IMPG1: variants seen among roughly 807,000 people sequenced by gnomAD.
The protein encoded by IMPG1 is interphotoreceptor matrix proteoglycan 1.
A neutral mutation model predicts 92.0 loss-of-function variants in IMPG1; 85 were observed. The observed-to-expected ratio is 0.92, with a 90% CI of 0.78 to 1.11. The LOEUF is 1.11. Ranked by LOEUF, IMPG1 falls within the 50% of genes least tolerant of loss-of-function variation. The pLI is 0.00. For synonymous variants in IMPG1, 367 were observed against 334.1 expected (o/e 1.10, Z -1.08); for missense variants, 1,022 against 956.0 (o/e 1.07, Z -0.91).
At chr6:75,958,094 C>A (rs1372505671) in intron 12 of IMPG1, among the ~76,000 whole-genome samples, 1 of 152,040 alleles carries the variant, frequency 6.6e-6, no homozygotes, top group Non-Finnish European at 1.5e-5. Flanking sequence ...CTGGTGGTGA[C>A]AAAATCTCTC....
At chr6:76,038,161 T>A (rs1311213972) in intron 2 of IMPG1, among the ~76,000 whole-genome samples, 1 of 152,144 alleles carries the variant, frequency 6.6e-6, no homozygotes, top group Admixed American at 6.5e-5. Context: ...GGGACTGAGG[T>A]TGAGCAGTCA....
At chr6:75,924,598 TATAATTA>T (rs1281711156) in intron 15 of IMPG1, among the ~76,000 whole-genome samples, 2 of 46,648 alleles carry the variant, frequency 4.3e-5, no homozygotes, top group African/African-American at 8.4e-5. Flanking sequence ...ATATATTATA[TATAATTA>T]ATTATATATA....
intron 15 of IMPG1, among the ~76,000 whole-genome samples, chr6:75,927,120 T>C (rs973494514): frequency 6.6e-6 from 1 of 152,194 alleles, no homozygotes; most frequent in African/African-American, 2.4e-5. Context: ...GGATTCTTAG[T>C]TTTTCCTTAC....
chr6:76,000,145 T>C (rs1242503337), intron 12 of IMPG1, among the ~76,000 whole-genome samples: 1 of 152,230 alleles, frequency 6.6e-6, no homozygotes, highest in African/African-American at 2.4e-5. Context: ...ATTTTCCTCT[T>C]TACACAGCCT....
chr6:76,034,171 G>T, intron 4 of IMPG1, 144 bp downstream of exon 4: 1 of 728,962 alleles, frequency 1.4e-6, no homozygotes, highest in African/African-American at 1.8e-5. Flanking sequence ...TACATTATAT[G>T]CAGGAATTGT....
intron 2 of IMPG1, among the ~76,000 whole-genome samples, chr6:76,036,329 A>G (rs568626898): frequency 3.9e-5 from 6 of 152,250 alleles, no homozygotes; most frequent in Non-Finnish European, 7.3e-5. Context: ...CATAAGCTAC[A>G]GATCCTTTTT....
In IMPG1 at chr6:76,025,240, T is replaced by C; in HGVS notation, c.516A>G (p.Ala172=). Residue 172 remains alanine (A), a synonymous_variant, in exon 5 of 17, where the codon GCA becomes GCG. Transcript: ENST00000369950. ...SFPDRKDEIS[A]EKTLGEPGET... is the part of the protein sequence containing the mutation. ...CACCAGGCTCTCCCAATGTCTTCTC[T>C]GCAGATATTTCATCTTTTCTATTAG... The C allele has an allele frequency of 6.3e-7, 1 of 1,594,654 alleles. No homozygotes were observed. The highest frequency in any genetic ancestry group is 8.6e-7 in the Non-Finnish European group (1 of 1,163,680).
intron 4 of IMPG1, among the ~76,000 whole-genome samples, chr6:76,027,071 G>A (rs941040020): frequency 6.6e-6 from 1 of 152,194 alleles, no homozygotes; most frequent in Non-Finnish European, 1.5e-5. Context: ...CAAGCACTTG[G>A]ATCTAATTTT....
intron 12 of IMPG1, among the ~76,000 whole-genome samples, chr6:75,954,847 CA>C (rs1193023407): frequency 3.3e-5 from 5 of 152,150 alleles, no homozygotes; most frequent in Non-Finnish European, 7.3e-5. Context: ...CCAGTTTTCC[CA>C]ACAGCATTTA....
chr6:75,947,333 G>GTAGC lies in IMPG1; in HGVS notation c.2021_2024dup (p.Tyr675Ter). Reference sequence around the variant, plus strand: ...TTTTACCTGGTTCAATGTTGAGAGAGTAGCTGTCTATTTCCAGATGGAGTT... The same window carrying GTAGC: ...TTTTACCTGGTTCAATGTTGAGAGAGTAGCTAGCTGTCTATTTCCAGATGGAGTT... On this transcript the variant is annotated stop_gained and frameshift_variant, in exon 14 of 17. Coordinates refer to ENST00000369950, the MANE Select transcript of IMPG1 (RefSeq NM_001563.4). LOFTEE classifies it high-confidence loss of function. 1 of 1,613,414 alleles carries GTAGC rather than the reference G, an allele frequency of 6.2e-7. No homozygotes were observed. Among genetic ancestry groups the GTAGC allele is most frequent in the Admixed American group, 1.7e-5 (1 of 59,976 alleles).
At position 75,931,156 on chromosome 6, in the gene IMPG1, A is replaced by G. The variant is rs1416816511; in HGVS notation, c.2045-5T>C. On this transcript the variant is annotated splice_polypyrimidine_tract_variant and splice_region_variant and intron_variant, in intron 14 of 16. Coordinates refer to ENST00000369950, the MANE Select transcript of IMPG1 (RefSeq NM_001563.4). ...TGCAGGGATCTGCTTGATCAGCTGTAAGAAATGGGGCAGATTTTAACGCAT... is the reference window on the plus strand; with the variant it reads ...TGCAGGGATCTGCTTGATCAGCTGTGAGAAATGGGGCAGATTTTAACGCAT... 2 of 1,608,282 alleles carry G rather than the reference A, an allele frequency of 1.2e-6. No individual in the cohort carries two copies. The highest frequency in any genetic ancestry group is 1.7e-6 in the Non-Finnish European group (2 of 1,176,944).
intron 12 of IMPG1, among the ~76,000 whole-genome samples, chr6:75,999,142 C>A (rs1241197531): frequency 6.6e-6 from 1 of 152,130 alleles, no homozygotes; most frequent in African/African-American, 2.4e-5. Flanking sequence ...CAGGCATGAG[C>A]CACTGCGCCC....
chr6:75,997,330 G>A (rs1350842845), intron 12 of IMPG1, among the ~76,000 whole-genome samples: 2 of 152,204 alleles, frequency 1.3e-5, no homozygotes, highest in Non-Finnish European at 2.9e-5. Context: ...GTTCGGCTGA[G>A]TTGTTCTTAA....
At chr6:76,048,061 A>G (rs1251199639) in intron 1 of IMPG1, among the ~76,000 whole-genome samples, 5 of 152,286 alleles carry the variant, frequency 3.3e-5, no homozygotes, top group Non-Finnish European at 2.9e-5. Context: ...GTGGAGATCA[A>G]TGAGGAAGAC....
Position 75,970,290 on chromosome 6 carries a change from T to C in IMPG1, c.1292-19196A>G, listed in dbSNP as rs1292106990. On this transcript the variant is annotated intron_variant, in intron 12 of 16. Transcript: ENST00000369950. Reference sequence around the variant, plus strand: ...CAGCCCAAGGCTACAAAGATGGGTGTTGCCTTGAGCAGTGGTCATCATTAA... The same window carrying C: ...CAGCCCAAGGCTACAAAGATGGGTGCTGCCTTGAGCAGTGGTCATCATTAA... Among the ~76,000 whole-genome samples the C allele has an allele frequency of 6.6e-5, 10 of 152,188 alleles. No individual in the cohort carries two copies. In the East Asian group the frequency reaches 1.9e-3, roughly 29 times the overall value.
In IMPG1 at chr6:76,005,271, G is replaced by A. The variant is rs759285009; in HGVS notation, c.1135+16C>T. ...AAAATGAGAATAAACTCAGAACTAA[G>A]CAATCATTAACTGACCATCAGTGAA... is the stretch of plus-strand genomic sequence containing the variant. On this transcript the variant is annotated intron_variant, in intron 10 of 16. Coordinates refer to ENST00000369950, the MANE Select transcript of IMPG1 (RefSeq NM_001563.4). The A allele has an allele frequency of 6.2e-7, 1 of 1,611,780 alleles. No individual in the cohort carries two copies. The highest frequency in any genetic ancestry group is 8.5e-7 in the Non-Finnish European group (1 of 1,178,488).
At chr6:76,001,844 AT>A (rs1394185539) in intron 12 of IMPG1, among the ~76,000 whole-genome samples, 2 of 152,242 alleles carry the variant, frequency 1.3e-5, no homozygotes, top group Non-Finnish European at 2.9e-5. Flanking sequence ...ATAAATAACC[AT>A]GTCAAGAAGT....
intron 15 of IMPG1, among the ~76,000 whole-genome samples, chr6:75,925,607 G>A (rs1307891265): frequency 1.3e-5 from 2 of 152,032 alleles, no homozygotes; most frequent in African/African-American, 4.8e-5. Context: ...TGGGAGGATT[G>A]CTTGAGCCAA....
At position 76,072,450 on chromosome 6, in the gene IMPG1, C is replaced by G; in HGVS notation, c.39G>C (p.Trp13Cys). ...TGGTTCCTTGAACTTGGAGAAAAAT[C>G]CAAAAAACAAAAATAGCTCTTCTAG... ...LETRRAIFVF[W>C]IFLQVQGTKD... Residue 13 changes from tryptophan to cysteine, a missense_variant, in exon 1 of 17, where the codon TGG becomes TGC. Physicochemically the swap from Trp to Cys is radical, Grantham distance 215. Around this residue, in one of 3 missense-constraint regions of IMPG1, gnomAD observed 681 missense variants for 583.6 expected, o/e 1.17. Transcript: ENST00000369950. The G allele has an allele frequency of 2.5e-6, 4 of 1,596,092 alleles. No homozygotes were observed. The South Asian group carries it at 4.5e-5, about 18-fold the overall frequency.
Sources: gnomAD v4.1 joint callset for allele counts (sites outside exome capture counted in the v4.1 genomes callset) on GRCh38, gnomAD v4.1.1 for gene constraint, gnomAD v4.1.1 regional missense constraint, MANE v1.5 for transcripts, NCBI Gene and HGNC (gene_info 2026-07-23, HGNC 2026-07-21) for gene names.